Variants in ERI1 observed in about 807,000 individuals in gnomAD.
ERI1 encodes exoribonuclease 1.
A neutral mutation model predicts 39.7 loss-of-function variants in ERI1; 39 were observed. The observed-to-expected ratio is 0.98, with a 90% CI of 0.76 to 1.28. ERI1 has a LOEUF of 1.28. Ranked by LOEUF, ERI1 falls within the 50% of genes most tolerant of loss-of-function variation. The pLI is 0.00. For missense variants in ERI1, 581 were observed against 416.9 expected (o/e 1.39, Z -3.43); for synonymous variants, 204 against 149.6 (o/e 1.36, Z -2.65).
At chr8:9,084,946 A>T (rs1403724012) in intron 3 of ERI1, among the ~76,000 whole-genome samples, 1 of 152,198 alleles carries the variant, frequency 6.6e-6, no homozygotes, top group Non-Finnish European at 1.5e-5. Context: ...GGACCACCTT[A>T]TAGCAGTCGT....
intron 3 of ERI1, among the ~76,000 whole-genome samples, chr8:9,077,106 C>G (rs1474017065): frequency 6.6e-6 from 1 of 152,222 alleles, no homozygotes; most frequent in Non-Finnish European, 1.5e-5. Flanking sequence ...CCATTACCTA[C>G]TGAAGTATGC....
At chr8:9,009,057 T>G (rs777642352) in intron 2 of ERI1, 144 of 456,184 alleles carry the variant, frequency 3.2e-4, no homozygotes, top group Non-Finnish European at 5.2e-4. Flanking sequence ...TACAGAAGAT[T>G]TTCCGAGCAA....
At chr8:9,047,798 C>T (rs922854893) in intron 3 of ERI1, among the ~76,000 whole-genome samples, 1 of 152,184 alleles carries the variant, frequency 6.6e-6, no homozygotes, top group African/African-American at 2.4e-5. Context: ...ATTGAGCTTC[C>T]TATCATTTTG....
chr8:9,061,897 G>T (rs1798710094), intron 3 of ERI1, among the ~76,000 whole-genome samples: 1 of 151,762 alleles, frequency 6.6e-6, no homozygotes, highest in African/African-American at 2.4e-5. Context: ...GATGAAGGGT[G>T]CAAAGGAATA....
chr8:9,053,276 C>T (rs148075775), intron 3 of ERI1, among the ~76,000 whole-genome samples: 54 of 152,310 alleles, frequency 3.5e-4, no homozygotes, highest in Admixed American at 1.1e-3. Context: ...CTTGGCCTCT[C>T]AAATTGCTGG....
At chr8:9,094,716 C>G (rs536862543) in intron 3 of ERI1, among the ~76,000 whole-genome samples, 1 of 152,150 alleles carries the variant, frequency 6.6e-6, no homozygotes, top group African/African-American at 2.4e-5. Flanking sequence ...TTGGGGATTA[C>G]AAGGTATTTC....
intron 3 of ERI1, among the ~76,000 whole-genome samples, chr8:9,061,527 G>A (rs1798696245): frequency 6.6e-6 from 1 of 152,224 alleles, no homozygotes; most frequent in Non-Finnish European, 1.5e-5. Flanking sequence ...GGCGGCCGCT[G>A]CACGCAGACA....
At chr8:9,078,038 G>A (rs112084957) in intron 3 of ERI1, among the ~76,000 whole-genome samples, 21,629 of 152,158 alleles carry the variant, frequency 0.14, 1,710 homozygotes, top group Middle Eastern at 0.19. Context: ...CAGCCAGGCT[G>A]GAATGCAGTG....
chr8:9,053,487 G>A (rs750858327), intron 3 of ERI1, among the ~76,000 whole-genome samples: 102 of 152,008 alleles, frequency 6.7e-4, no homozygotes, highest in African/African-American at 1.7e-4. Context: ...CCCATACCTC[G>A]TCCTACACGT....
chr8:9,032,574 CAA>C lies in ERI1; in HGVS notation c.*2546_*2547del, dbSNP rs999119548. On this transcript the variant is annotated 3_prime_UTR_variant, in exon 7 of 7. Transcript: ENST00000250263. ...GGAGAAGTTTCTGCCTGGATTGAAA[CAA>C]AAAAACACAGGCGTCACAAGCATGT... is the stretch of plus-strand genomic sequence containing the variant. The C allele has an allele frequency of 6.6e-6, 1 of 151,874 alleles. No individual in the cohort carries two copies. The highest frequency in any genetic ancestry group is 1.5e-5 in the Non-Finnish European group (1 of 67,984). 9.4% of individuals were successfully genotyped at this position (151,874 alleles called of 1,614,324 possible). A position where few individuals can be genotyped will look rare whatever the true frequency, so the allele number is the denominator to read the frequency against.
intron 3 of ERI1, among the ~76,000 whole-genome samples, chr8:9,098,258 G>A (rs1376143195): frequency 6.6e-6 from 1 of 151,936 alleles, no homozygotes; most frequent in Non-Finnish European, 1.5e-5. Flanking sequence ...AGTGGCTCAC[G>A]CCTGTAATCC....
At chr8:9,075,244 C>T (rs952753957) in intron 3 of ERI1, among the ~76,000 whole-genome samples, 3 of 152,212 alleles carry the variant, frequency 2.0e-5, no homozygotes, top group African/African-American at 7.2e-5. Context: ...TTCAGTTTTG[C>T]AAGCAAGGTG....
chr8:9,074,233 C>T (rs1013729905), intron 3 of ERI1, among the ~76,000 whole-genome samples: 1 of 151,958 alleles, frequency 6.6e-6, no homozygotes, highest in African/African-American at 2.4e-5. Flanking sequence ...GCCTCAGCTT[C>T]CCGAGTAGCC....
intron 3 of ERI1, among the ~76,000 whole-genome samples, chr8:9,012,113 A>G (rs1585194229): frequency 1.3e-5 from 2 of 152,170 alleles, no homozygotes; most frequent in Non-Finnish European, 1.5e-5. Context: ...GGCCTCTGAC[A>G]TCAGCATTTT....
intron 1 of ERI1, among the ~76,000 whole-genome samples, chr8:9,004,907 G>T (rs113944059): frequency 0.026 from 3,988 of 151,918 alleles, 193 homozygotes; most frequent in African/African-American, 0.091. Context: ...ATGCTGGTCT[G>T]GAACTCCTGA....
chr8:9,027,063 C>G (rs1256159387), intron 6 of ERI1, among the ~76,000 whole-genome samples: 1 of 151,834 alleles, frequency 6.6e-6, no homozygotes, highest in African/African-American at 2.4e-5. Context: ...AGTGGCTGTA[C>G]CATTTTACAT....
intron 3 of ERI1, among the ~76,000 whole-genome samples, chr8:9,059,107 T>C (rs1012856367): frequency 1.3e-5 from 2 of 151,842 alleles, no homozygotes; most frequent in Non-Finnish European, 2.9e-5. Flanking sequence ...GTGGGGGTCA[T>C]AAGGTGCTCA....
chr8:9,077,144 C>T (rs1440981795), intron 3 of ERI1, among the ~76,000 whole-genome samples: 3 of 152,170 alleles, frequency 2.0e-5, no homozygotes, highest in Non-Finnish European at 4.4e-5. Flanking sequence ...GTATTCAAAG[C>T]TTTCTGTGGT....
intron 3 of ERI1, among the ~76,000 whole-genome samples, chr8:9,015,739 A>AAAAAAAAAAAAAAAAAG (rs10704637): frequency 1.3e-5 from 2 of 150,272 alleles, no homozygotes; most frequent in African/African-American, 5.0e-5. Flanking sequence ...AAAAAAAAAA[A>AAAAAAAAAAAAAAAAAG]AAGAGACCAT....
Sources: gnomAD v4.1 joint callset for allele counts (sites outside exome capture counted in the v4.1 genomes callset) on GRCh38, gnomAD v4.1.1 for gene constraint, MANE v1.5 for transcripts, NCBI Gene and HGNC (gene_info 2026-07-23, HGNC 2026-07-21) for gene names.